DSCAM: variants seen among roughly 807,000 people sequenced by gnomAD.
The protein encoded by DSCAM is cell adhesion molecule DSCAM.
Under a neutral mutation model 217.7 loss-of-function variants are expected in DSCAM, and 47 were observed. The observed-to-expected ratio is 0.22, with a 90% CI of 0.17 to 0.28. The LOEUF (loss-of-function observed/expected upper bound fraction) is 0.28. Among genes scored for constraint, DSCAM ranks in the 10% least tolerant of loss-of-function variants. The pLI is 1.00. For missense variants in DSCAM, 2,080 were observed against 2,618.3 expected, an observed-to-expected ratio of 0.79 and a Z score of 4.49; for synonymous variants, 1,056 against 1,015.3, an observed-to-expected ratio of 1.04 and a Z score of -0.76.
chr21:40,396,894 T>C (rs565039235), intron 3 of DSCAM, among the ~76,000 whole-genome samples: 3 of 152,284 alleles, frequency 2.0e-5, no homozygotes, highest in South Asian at 2.1e-4. Flanking sequence ...AAACTAACCA[T>C]GAGGGCCTCC....
intron 3 of DSCAM, among the ~76,000 whole-genome samples, chr21:40,413,958 C>T (rs1263721142): frequency 2.6e-5 from 4 of 152,106 alleles, no homozygotes; most frequent in Admixed American, 2.0e-4. Context: ...TTGCTTCAAA[C>T]CATATACAGA....
intron 1 of DSCAM, among the ~76,000 whole-genome samples, chr21:40,758,236 G>A (rs734571): frequency 0.66 from 100,067 of 151,952 alleles, 33,169 homozygotes; most frequent in Admixed American, 0.74. Flanking sequence ...TAGAACTATG[G>A]CAAAATAAAT....
At chr21:40,727,997 T>C (rs897997381) in intron 1 of DSCAM, among the ~76,000 whole-genome samples, 3 of 152,170 alleles carry the variant, frequency 2.0e-5, no homozygotes, top group African/African-American at 7.2e-5. Flanking sequence ...AGAAACTCCC[T>C]GGCTCACCTT....
intron 1 of DSCAM, among the ~76,000 whole-genome samples, chr21:40,729,221 A>C (rs971635569): frequency 3.3e-5 from 5 of 152,226 alleles, no homozygotes; most frequent in African/African-American, 1.2e-4. Flanking sequence ...GTCAGAGATG[A>C]GAAACCATAT....
At chr21:40,556,212 C>A (rs1254014708) in intron 3 of DSCAM, among the ~76,000 whole-genome samples, 1 of 152,092 alleles carries the variant, frequency 6.6e-6, no homozygotes, top group Non-Finnish European at 1.5e-5. Context: ...TACTCTTGAA[C>A]AAAGCCACAG....
chr21:40,178,847 C>T, intron 15 of DSCAM, 80 bp downstream of exon 15: 2 of 1,573,374 alleles, frequency 1.3e-6, no homozygotes, highest in Non-Finnish European at 1.7e-6. Flanking sequence ...CAAAGGTCTG[C>T]TTCTGCATTT....
chr21:40,788,903 C>A (rs879627014), intron 1 of DSCAM, among the ~76,000 whole-genome samples: 8 of 152,124 alleles, frequency 5.3e-5, no homozygotes, highest in Admixed American at 3.9e-4. Context: ...ATTTCAGCAA[C>A]CATATAGCAC....
At chr21:40,492,024 C>G (rs1046912848) in intron 3 of DSCAM, among the ~76,000 whole-genome samples, 1 of 152,066 alleles carries the variant, frequency 6.6e-6, no homozygotes, top group Admixed American at 6.6e-5. Context: ...TAAAGGAAAA[C>G]TTTTGTCTGT....
At chr21:40,399,825 G>A (rs1250762273) in intron 3 of DSCAM, among the ~76,000 whole-genome samples, 1 of 152,216 alleles carries the variant, frequency 6.6e-6, no homozygotes, top group African/African-American at 2.4e-5. Context: ...CTGCCCTTAA[G>A]AGGTACGTAA....
At chr21:40,581,310 G>T (rs979524092) in intron 3 of DSCAM, among the ~76,000 whole-genome samples, 10 of 152,140 alleles carry the variant, frequency 6.6e-5, no homozygotes, top group Non-Finnish European at 1.0e-4. Context: ...GCTGTTTATG[G>T]CACTTTGTGT....
At chr21:40,411,949 G>T (rs1049098835) in intron 3 of DSCAM, among the ~76,000 whole-genome samples, 3 of 152,216 alleles carry the variant, frequency 2.0e-5, no homozygotes, top group Non-Finnish European at 2.9e-5. Flanking sequence ...GGTGGGAGTT[G>T]TTTGGGTTAT....
intron 3 of DSCAM, among the ~76,000 whole-genome samples, chr21:40,676,397 T>A (rs1157533988): frequency 6.6e-6 from 1 of 152,148 alleles, no homozygotes; most frequent in African/African-American, 2.4e-5. Context: ...ACTTCAGGCT[T>A]TCATGGAAAA....
At chr21:40,262,690 G>C (rs982956722) in intron 11 of DSCAM, among the ~76,000 whole-genome samples, 2 of 152,182 alleles carry the variant, frequency 1.3e-5, no homozygotes, top group African/African-American at 4.8e-5. Flanking sequence ...CTCATGACAA[G>C]AATAAACTCA....
chr21:40,195,020 A>G (rs537761599), intron 11 of DSCAM, among the ~76,000 whole-genome samples: 56 of 152,364 alleles, frequency 3.7e-4, no homozygotes, highest in African/African-American at 1.3e-3. Flanking sequence ...AGAGATACTG[A>G]GAAGATAGTA....
At chr21:40,443,913 G>A (rs1361763085) in intron 3 of DSCAM, among the ~76,000 whole-genome samples, 1 of 152,180 alleles carries the variant, frequency 6.6e-6, no homozygotes, top group Admixed American at 6.5e-5. Context: ...TTTATGTCAA[G>A]CTTTCTGGCT....
intron 3 of DSCAM, among the ~76,000 whole-genome samples, chr21:40,513,749 TG>T (rs2076278348): frequency 6.6e-6 from 1 of 152,170 alleles, no homozygotes; most frequent in Non-Finnish European, 1.5e-5. Flanking sequence ...ATATGAGATT[TG>T]TAGGGACAAA....
rs143864872 is a variant in DSCAM, at chr21:40,511,698, A to G, written c.509-142453T>C. ...TAAGTCACTCTTTCACCAACCTACAAAAAGTATTCTCGGCCGGGCGCGGTG... is the reference window on the plus strand; with the variant it reads ...TAAGTCACTCTTTCACCAACCTACAGAAAGTATTCTCGGCCGGGCGCGGTG... On this transcript the variant is annotated intron_variant, in intron 3 of 32. Transcript: ENST00000400454. 5.8e-3 allele frequency among the ~76,000 whole-genome samples: 887 copies of G among 152,198 alleles called. 13 individuals are homozygous for G. Among genetic ancestry groups the G allele is most frequent in the African/African-American group, 0.02 (841 of 41,532 alleles).
chr21:40,655,232 G>A (rs972644801), intron 3 of DSCAM, among the ~76,000 whole-genome samples: 4 of 152,158 alleles, frequency 2.6e-5, no homozygotes, highest in African/African-American at 9.7e-5. Flanking sequence ...GTCCACATGT[G>A]CTGCTATAAC....
At chr21:40,096,320 G>C (rs28838617) in intron 20 of DSCAM, among the ~76,000 whole-genome samples, 1 of 151,792 alleles carries the variant, frequency 6.6e-6, no homozygotes, top group Non-Finnish European at 1.5e-5. Flanking sequence ...CTCATGTCTC[G>C]CTAAAATGCA....
Sources: gnomAD v4.1 joint callset for allele counts (sites outside exome capture counted in the v4.1 genomes callset) on GRCh38, gnomAD v4.1.1 for gene constraint, MANE v1.5 for transcripts, NCBI Gene and HGNC (gene_info 2026-07-23, HGNC 2026-07-21) for gene names.